Variants in SLCO2A1 observed in about 807,000 individuals in gnomAD.
SLCO2A1 encodes solute carrier organic anion transporter family member 2A1, also known as matrin F/G 1.
In SLCO2A1, 60 loss-of-function variants were observed where a neutral mutation model predicts 71.7. That is an observed-to-expected ratio of 0.84 (90% CI 0.68 to 1.04). SLCO2A1 has a LOEUF of 1.04. SLCO2A1 is among the 50% of genes least tolerant of loss of function. The probability of loss-of-function intolerance (pLI) is 0.00; values close to 1 mark genes in which losing one functional copy is unlikely to be tolerated. For missense variants in SLCO2A1, 745 were observed against 813.4 expected (o/e 0.92, Z 1.02); for synonymous variants, 308 against 326.7 (o/e 0.94, Z 0.62).
intron 3 of SLCO2A1, among the ~76,000 whole-genome samples, chr3:133,970,816 C>A (rs35992002): frequency 6.6e-6 from 1 of 151,988 alleles, no homozygotes; most frequent in Non-Finnish European, 1.5e-5. Context: ...GCCTATGGTG[C>A]GCCCCTGCAG....
intron 1 of SLCO2A1, among the ~76,000 whole-genome samples, chr3:134,026,585 G>T (rs745819072): frequency 6.6e-6 from 1 of 151,978 alleles, no homozygotes; most frequent in African/African-American, 2.4e-5. Context: ...GGCACAAGAC[G>T]GCTTGTGAGG....
chr3:133,954,275 G>T (rs1270491648), intron 4 of SLCO2A1, among the ~76,000 whole-genome samples: 1 of 148,504 alleles, frequency 6.7e-6, no homozygotes, highest in Non-Finnish European at 1.5e-5. Flanking sequence ...TGATTCTCCT[G>T]CCTCAGCATC....
chr3:133,940,999 T>C (rs927740355), intron 11 of SLCO2A1, among the ~76,000 whole-genome samples: 1 of 152,178 alleles, frequency 6.6e-6, no homozygotes, highest in African/African-American at 2.4e-5. Context: ...GTGTCACCCC[T>C]GTAGGATTTG....
At chr3:133,993,562 GA>G (rs546496015) in intron 1 of SLCO2A1, among the ~76,000 whole-genome samples, 2 of 149,778 alleles carry the variant, frequency 1.3e-5, no homozygotes, top group Non-Finnish European at 3.0e-5. Flanking sequence ...TGGTTTCCCA[GA>G]AAAAAAAACA....
At chr3:133,986,451 A>G (rs1387708410) in intron 1 of SLCO2A1, among the ~76,000 whole-genome samples, 1 of 152,254 alleles carries the variant, frequency 6.6e-6, no homozygotes, top group African/African-American at 2.4e-5. Flanking sequence ...CTTGAGACAC[A>G]TCTTATAGAA....
intron 3 of SLCO2A1, among the ~76,000 whole-genome samples, chr3:133,959,849 G>A (rs773163478): frequency 4.6e-5 from 7 of 152,014 alleles, no homozygotes; most frequent in African/African-American, 1.2e-4. Flanking sequence ...GGCCGGGTGC[G>A]GTGGCTCATA....
intron 1 of SLCO2A1, among the ~76,000 whole-genome samples, chr3:134,028,957 C>T (rs1935754609): frequency 6.6e-6 from 1 of 150,458 alleles, no homozygotes; most frequent in Admixed American, 6.6e-5. Flanking sequence ...TGCCAACACC[C>T]TATCTTCTCA....
intron 1 of SLCO2A1, among the ~76,000 whole-genome samples, chr3:134,024,566 C>T (rs1482761565): frequency 1.3e-5 from 2 of 152,184 alleles, no homozygotes; most frequent in Admixed American, 1.3e-4. Context: ...GAGTTTTAAC[C>T]CAGACTGTGG....
chr3:134,028,353 A>G (rs530861381), intron 1 of SLCO2A1, among the ~76,000 whole-genome samples: 1 of 152,342 alleles, frequency 6.6e-6, no homozygotes, highest in African/African-American at 2.4e-5. Context: ...AATTTCTCCA[A>G]AATGGTGGAA....
chr3:134,029,866 C>T lies in SLCO2A1; in HGVS notation c.-64G>A. The T allele has an allele frequency of 1.9e-6, 2 of 1,048,604 alleles. No homozygotes were observed. Among genetic ancestry groups the T allele is most frequent in the Non-Finnish European group, 2.5e-6 (2 of 805,330 alleles). 65.0% of individuals were successfully genotyped at this position (1,048,604 alleles called of 1,614,324 possible). A position where few individuals can be genotyped will look rare whatever the true frequency, so the allele number is the denominator to read the frequency against. ...TCGGGGCGCCTCGGGCTGGAGCGGCCGGGCGGGTGAGAGGCGACCGCGGCG... is the reference window on the plus strand; with the variant it reads ...TCGGGGCGCCTCGGGCTGGAGCGGCTGGGCGGGTGAGAGGCGACCGCGGCG... On this transcript the variant is annotated 5_prime_UTR_variant, in exon 1 of 14. Coordinates refer to ENST00000310926, the MANE Select transcript of SLCO2A1 (RefSeq NM_005630.3).
intron 1 of SLCO2A1, among the ~76,000 whole-genome samples, chr3:133,986,664 C>T (rs1173306166): frequency 6.6e-6 from 1 of 152,156 alleles, no homozygotes; most frequent in Admixed American, 6.6e-5. Context: ...AACTTTTTAC[C>T]ACCCGTGTCA....
intron 3 of SLCO2A1, among the ~76,000 whole-genome samples, chr3:133,963,000 A>AT (rs1298148141): frequency 6.6e-6 from 1 of 152,008 alleles, no homozygotes; most frequent in Non-Finnish European, 1.5e-5. Context: ...ATCAGAGCAC[A>AT]TTTTTTCCCA....
chr3:134,025,189 A>G (rs11713466), intron 1 of SLCO2A1, among the ~76,000 whole-genome samples: 14,808 of 152,188 alleles, frequency 0.097, 830 homozygotes, highest in East Asian at 0.22. Flanking sequence ...CAGACTGAGG[A>G]CTATTCCCAG....
At chr3:133,944,637 G>A (rs893816863) in intron 10 of SLCO2A1, among the ~76,000 whole-genome samples, 1 of 152,214 alleles carries the variant, frequency 6.6e-6, no homozygotes, top group African/African-American at 2.4e-5. Flanking sequence ...CCACACCTGG[G>A]AGCTGAGGGG....
At chr3:133,979,667 GC>G (rs747246376) in intron 1 of SLCO2A1, 49 bp from the exon 2 acceptor site, 1 of 1,550,144 alleles carries the variant, frequency 6.5e-7, no homozygotes, top group Non-Finnish European at 8.7e-7. Flanking sequence ...ACAAGCCCTG[GC>G]GCCCTCCCAG....
chr3:133,940,222 C>T (rs1933384283), intron 11 of SLCO2A1, among the ~76,000 whole-genome samples: 1 of 152,210 alleles, frequency 6.6e-6, no homozygotes, highest in Admixed American at 6.5e-5. Flanking sequence ...CCCACCTTGG[C>T]CTCCCAAAGT....
At chr3:133,989,220 T>C (rs1379006984) in intron 1 of SLCO2A1, among the ~76,000 whole-genome samples, 1 of 152,256 alleles carries the variant, frequency 6.6e-6, no homozygotes, top group African/African-American at 2.4e-5. Context: ...ACTTTATAAC[T>C]GGGCCTTTGA....
intron 1 of SLCO2A1, among the ~76,000 whole-genome samples, chr3:134,021,221 G>A (rs1330323067): frequency 6.6e-5 from 10 of 152,276 alleles, no homozygotes; most frequent in South Asian, 4.1e-4. Context: ...GTTTTGTCTC[G>A]AAGAAGCATA....
At chr3:134,004,625 C>G (rs1179723115) in intron 1 of SLCO2A1, among the ~76,000 whole-genome samples, 1 of 152,140 alleles carries the variant, frequency 6.6e-6, no homozygotes, top group Admixed American at 6.5e-5. Context: ...TGAGCCACCA[C>G]GCCCAGCCAC....
Sources: gnomAD v4.1 joint callset for allele counts (sites outside exome capture counted in the v4.1 genomes callset) on GRCh38, gnomAD v4.1.1 for gene constraint, MANE v1.5 for transcripts, NCBI Gene and HGNC (gene_info 2026-07-23, HGNC 2026-07-21) for gene names.